The following ARB2A variants were observed in gnomAD, a reference collection of about 807,000 sequenced individuals.
The protein encoded by ARB2A is ARB2 cotranscriptional regulator A, also known as cotranscriptional regulator ARB2A.
the ARB2A span, among the ~76,000 whole-genome samples, chr5:93,792,273 T>C: frequency 6.6e-6 from 1 of 152,098 alleles, no homozygotes; most frequent in Non-Finnish European, 1.5e-5. Flanking sequence ...AATGAATATA[T>C]GTGAAGTAGA....
the ARB2A span, among the ~76,000 whole-genome samples, chr5:93,702,968 A>T: frequency 6.6e-5 from 10 of 152,204 alleles, no homozygotes; most frequent in African/African-American, 2.2e-4. Context: ...TTGCAATAAA[A>T]AGATCGATAG....
chr5:93,816,619 A>AG, the ARB2A span, among the ~76,000 whole-genome samples: 7 of 152,152 alleles, frequency 4.6e-5, no homozygotes, highest in Non-Finnish European at 1.0e-4. Context: ...GTGGACACTA[A>AG]GAAAAACCTG....
chr5:93,855,613 T>C, the ARB2A span, among the ~76,000 whole-genome samples: 1 of 152,176 alleles, frequency 6.6e-6, no homozygotes, highest in African/African-American at 2.4e-5. Context: ...TTCCTTTCCA[T>C]GTTTAGTGCT....
chr5:93,744,711 G>A, the ARB2A span, among the ~76,000 whole-genome samples: 1 of 152,200 alleles, frequency 6.6e-6, no homozygotes, highest in African/African-American at 2.4e-5. Flanking sequence ...AGTTGGAACA[G>A]GAATAGAGAT....
chr5:94,004,445 T>C, the ARB2A span, among the ~76,000 whole-genome samples: 1 of 151,776 alleles, frequency 6.6e-6, no homozygotes, highest in Non-Finnish European at 1.5e-5. Context: ...AGCCAGGCAT[T>C]GTGGCAGGCG....
chr5:93,911,698 C>A, the ARB2A span, among the ~76,000 whole-genome samples: 1 of 151,338 alleles, frequency 6.6e-6, no homozygotes, highest in South Asian at 2.1e-4. Context: ...CTACAATGTT[C>A]TTTTTAATCC....
At chr5:94,101,308 G>A in the ARB2A span, among the ~76,000 whole-genome samples, 1 of 152,148 alleles carries the variant, frequency 6.6e-6, no homozygotes, top group African/African-American at 2.4e-5. Flanking sequence ...AATAACAGAT[G>A]CCTGCGAAGT....
the ARB2A span, among the ~76,000 whole-genome samples, chr5:93,883,997 C>A: frequency 6.7e-6 from 1 of 148,306 alleles, no homozygotes; most frequent in Non-Finnish European, 1.5e-5. Context: ...TTAAAATTAG[C>A]AAGACCAAAA....
chr5:93,741,242 G>C, the ARB2A span: 1 of 1,613,780 alleles, frequency 6.2e-7, no homozygotes, highest in Non-Finnish European at 8.5e-7. Context: ...GGAATGCTCC[G>C]CAGGGCAATG....
At chr5:93,953,708 T>G in the ARB2A span, among the ~76,000 whole-genome samples, 1 of 151,992 alleles carries the variant, frequency 6.6e-6, no homozygotes, top group Non-Finnish European at 1.5e-5. Flanking sequence ...CTTGTATCCC[T>G]CCCTTCAGAA....
chr5:93,986,265 G>T, the ARB2A span, among the ~76,000 whole-genome samples: 2 of 150,754 alleles, frequency 1.3e-5, no homozygotes, highest in Non-Finnish European at 3.0e-5. Context: ...CCACCCAGCA[G>T]CCGCCCCATC....
the ARB2A span, among the ~76,000 whole-genome samples, chr5:94,014,258 C>A: frequency 0.091 from 13,847 of 152,284 alleles, 793 homozygotes; most frequent in Middle Eastern, 0.16. Context: ...CCTTCCAACA[C>A]ACTGAGATAT....
chr5:94,006,307 T>C, the ARB2A span, among the ~76,000 whole-genome samples: 1 of 152,348 alleles, frequency 6.6e-6, no homozygotes, highest in East Asian at 1.9e-4. Flanking sequence ...ACTCCATTTA[T>C]ATAACACTAC....
At chr5:93,963,850 CAG>C in the ARB2A span, among the ~76,000 whole-genome samples, 25 of 151,984 alleles carry the variant, frequency 1.6e-4, no homozygotes, top group African/African-American at 5.5e-4. Flanking sequence ...TTTAAAATAA[CAG>C]GGGTTTGTGT....
the ARB2A span, among the ~76,000 whole-genome samples, chr5:93,961,878 A>G: frequency 6.6e-6 from 1 of 152,194 alleles, no homozygotes; most frequent in African/African-American, 2.4e-5. Context: ...ATGTAACAAT[A>G]TTAATGAGTA....
the ARB2A span, among the ~76,000 whole-genome samples, chr5:94,035,606 C>CT: frequency 6.6e-6 from 1 of 151,684 alleles, no homozygotes. Context: ...GCCAACCCAA[C>CT]TGCCCATCAA....
chr5:93,823,899 G>A, the ARB2A span, among the ~76,000 whole-genome samples: 2 of 152,038 alleles, frequency 1.3e-5, no homozygotes, highest in Non-Finnish European at 2.9e-5. Flanking sequence ...AGGTTGCAGC[G>A]AGCTGAGATG....
the ARB2A span, among the ~76,000 whole-genome samples, chr5:93,646,617 TA>T: frequency 2.6e-5 from 4 of 152,230 alleles, no homozygotes; most frequent in Admixed American, 2.6e-4. Context: ...TTTAATTATC[TA>T]ATTTTTGCAA....
chr5:93,945,602 A>T, the ARB2A span, among the ~76,000 whole-genome samples: 1 of 152,152 alleles, frequency 6.6e-6, no homozygotes, highest in Non-Finnish European at 1.5e-5. Flanking sequence ...GTTAAAAGAA[A>T]AAGTAGGCAA....
Sources: gnomAD v4.1 joint callset for allele counts (sites outside exome capture counted in the v4.1 genomes callset) on GRCh38, gnomAD v4.1.1 for gene constraint, MANE v1.5 for transcripts, NCBI Gene and HGNC (gene_info 2026-07-23, HGNC 2026-07-21) for gene names.